The following CLSTN2 variants were observed in gnomAD, a reference collection of about 807,000 sequenced individuals.
CLSTN2 encodes calsyntenin-2.
A neutral mutation model predicts 101.2 loss-of-function variants in CLSTN2; 48 were observed. The observed-to-expected ratio is 0.47, with a 90% confidence interval of 0.38 to 0.60. The LOEUF is 0.60. Among genes scored for constraint, CLSTN2 ranks in the 20% least tolerant of loss-of-function variants. The probability of loss-of-function intolerance (pLI) is 0.00; values close to 1 mark genes in which losing one functional copy is unlikely to be tolerated. For missense variants in CLSTN2, 1,160 were observed against 1,238.2 expected, an observed-to-expected ratio of 0.94 and a Z score of 0.95; for synonymous variants, 481 against 463.6, an observed-to-expected ratio of 1.04 and a Z score of -0.48.
chr3:140,054,719 C>CAA (rs1239505369), intron 1 of CLSTN2, among the ~76,000 whole-genome samples: 2 of 152,150 alleles, frequency 1.3e-5, no homozygotes, highest in African/African-American at 4.8e-5. Context: ...TGTATGTGAT[C>CAA]ATAGACAAAT....
chr3:140,491,993 C>T (rs540572337), intron 8 of CLSTN2, among the ~76,000 whole-genome samples: 1 of 152,238 alleles, frequency 6.6e-6, no homozygotes, highest in South Asian at 2.1e-4. Context: ...GACAAAGACC[C>T]TGGACCTTCA....
intron 2 of CLSTN2, among the ~76,000 whole-genome samples, chr3:140,291,199 C>A (rs937088799): frequency 1.3e-5 from 2 of 152,142 alleles, no homozygotes; most frequent in African/African-American, 4.8e-5. Context: ...TAGAAAGAGC[C>A]TGGCCCGAGA....
intron 1 of CLSTN2, among the ~76,000 whole-genome samples, chr3:140,078,348 G>A (rs1380114073): frequency 6.6e-6 from 1 of 152,176 alleles, no homozygotes; most frequent in Non-Finnish European, 1.5e-5. Context: ...ACGGTATCTG[G>A]TAATTGTGGA....
chr3:140,437,851 A>G (rs972943888), intron 5 of CLSTN2, among the ~76,000 whole-genome samples: 10 of 152,254 alleles, frequency 6.6e-5, no homozygotes, highest in Admixed American at 4.6e-4. Flanking sequence ...CCATAGTTCA[A>G]TTAATGCAGT....
chr3:140,096,004 A>G (rs536223751), intron 1 of CLSTN2, among the ~76,000 whole-genome samples: 1 of 152,308 alleles, frequency 6.6e-6, no homozygotes, highest in Non-Finnish European at 1.5e-5. Context: ...CAATGGGTAG[A>G]AGAGGAAATT....
intron 1 of CLSTN2, among the ~76,000 whole-genome samples, chr3:140,173,724 T>C (rs2010275268): frequency 6.6e-6 from 1 of 152,212 alleles, no homozygotes; most frequent in Non-Finnish European, 1.5e-5. Context: ...CTCAATGCCA[T>C]GTGGAAGCCA....
At chr3:140,380,134 C>G (rs573623862) in intron 2 of CLSTN2, among the ~76,000 whole-genome samples, 57 of 152,302 alleles carry the variant, frequency 3.7e-4, no homozygotes, top group African/African-American at 1.3e-3. Flanking sequence ...ATGACCCCAG[C>G]CAGACAGTGA....
intron 4 of CLSTN2, among the ~76,000 whole-genome samples, chr3:140,417,146 G>A (rs1023370555): frequency 3.3e-5 from 5 of 152,034 alleles, no homozygotes; most frequent in East Asian, 1.9e-4. Flanking sequence ...AATTAGGGCC[G>A]CAATGTCCTT....
intron 5 of CLSTN2, among the ~76,000 whole-genome samples, chr3:140,428,838 C>T (rs2088599602): frequency 6.6e-6 from 1 of 152,172 alleles, no homozygotes; most frequent in Non-Finnish European, 1.5e-5. Context: ...TCCACCATCC[C>T]ACAAACAGGT....
chr3:140,473,702 C>T (rs527824950), intron 8 of CLSTN2, among the ~76,000 whole-genome samples: 161 of 151,972 alleles, frequency 1.1e-3, no homozygotes, highest in Non-Finnish European at 2.0e-3. Flanking sequence ...AGACTTCTGA[C>T]CTCCAAAACT....
chr3:140,385,850 G>A (rs2088046812), intron 2 of CLSTN2, among the ~76,000 whole-genome samples: 1 of 152,154 alleles, frequency 6.6e-6, no homozygotes, highest in Non-Finnish European at 1.5e-5. Flanking sequence ...AGGGGTCTGG[G>A]GCAGGGGCCA....
chr3:139,973,566 C>G (rs1419027073), intron 1 of CLSTN2, among the ~76,000 whole-genome samples: 2 of 152,106 alleles, frequency 1.3e-5, no homozygotes, highest in Non-Finnish European at 2.9e-5. Flanking sequence ...AGAATAGGAA[C>G]TTGGGGCTCT....
At chr3:140,201,572 T>A (rs1478367279) in intron 2 of CLSTN2, among the ~76,000 whole-genome samples, 1 of 152,170 alleles carries the variant, frequency 6.6e-6, no homozygotes, top group African/African-American at 2.4e-5. Flanking sequence ...AGAGACTAAC[T>A]CTCAATGTTC....
chr3:140,209,162 G>A (rs73226977), intron 2 of CLSTN2, among the ~76,000 whole-genome samples: 5 of 152,154 alleles, frequency 3.3e-5, no homozygotes, highest in Non-Finnish European at 7.3e-5. Context: ...CAAAATCTAT[G>A]ATGTATGCAT....
chr3:140,409,330 T>C (rs893801890), intron 4 of CLSTN2, among the ~76,000 whole-genome samples: 12 of 152,238 alleles, frequency 7.9e-5, no homozygotes, highest in African/African-American at 1.9e-4. Context: ...AGGGCACCAC[T>C]GAGTATACCT....
chr3:140,361,373 A>G (rs1319770815), intron 2 of CLSTN2, among the ~76,000 whole-genome samples: 3 of 152,206 alleles, frequency 2.0e-5, no homozygotes, highest in Admixed American at 2.0e-4. Flanking sequence ...TACAGCTAAT[A>G]TCATGCTTAA....
chr3:140,004,587 G>C (rs1054255562), intron 1 of CLSTN2, among the ~76,000 whole-genome samples: 3 of 152,212 alleles, frequency 2.0e-5, no homozygotes, highest in African/African-American at 4.8e-5. Flanking sequence ...GCTCCCTGCT[G>C]TTCATGGACT....
intron 1 of CLSTN2, among the ~76,000 whole-genome samples, chr3:140,040,995 G>A (rs1036397320): frequency 6.6e-6 from 1 of 152,074 alleles, no homozygotes; most frequent in African/African-American, 2.4e-5. Flanking sequence ...GGAAATAAGT[G>A]CTCTCCAAAT....
At chr3:140,345,195 G>C (rs1320705170) in intron 2 of CLSTN2, among the ~76,000 whole-genome samples, 2 of 150,754 alleles carry the variant, frequency 1.3e-5, no homozygotes, top group Non-Finnish European at 3.0e-5. Flanking sequence ...CCCAAAAGTA[G>C]TTTTGGGGGA....
Sources: gnomAD v4.1 joint callset for allele counts (sites outside exome capture counted in the v4.1 genomes callset) on GRCh38, gnomAD v4.1.1 for gene constraint, MANE v1.5 for transcripts, NCBI Gene and HGNC (gene_info 2026-07-23, HGNC 2026-07-21) for gene names.